Variants in RIMS1 observed in about 807,000 individuals in gnomAD.
RIMS1 encodes regulating synaptic membrane exocytosis 1, also known as regulating synaptic membrane exocytosis protein 1.
A neutral mutation model predicts 214.1 loss-of-function variants in RIMS1; 83 were observed. The ratio of observed to expected loss-of-function variants is 0.39; its 90% confidence interval spans 0.32 to 0.47. The LOEUF is 0.47. Ranked by LOEUF, RIMS1 falls within the 20% of genes least tolerant of loss-of-function variation. RIMS1 has a pLI of 0.99. For synonymous variants in RIMS1, 793 were observed against 786.8 expected, an observed-to-expected ratio of 1.01 and a Z score of -0.13; for missense variants, 2,050 against 2,161.8, an observed-to-expected ratio of 0.95 and a Z score of 1.03.
chr6:72,190,307 T>C (rs968500714), intron 6 of RIMS1, among the ~76,000 whole-genome samples: 1 of 151,684 alleles, frequency 6.6e-6, no homozygotes, highest in Non-Finnish European at 1.5e-5. Flanking sequence ...CTACTAAAAA[T>C]ACAAAATTAG....
chr6:72,052,775 G>A (rs1825073504), intron 2 of RIMS1, among the ~76,000 whole-genome samples: 1 of 152,142 alleles, frequency 6.6e-6, no homozygotes, highest in South Asian at 2.1e-4. Context: ...TGTTGATTTA[G>A]TTGTTGCTTG....
chr6:72,229,279 G>A (rs1053084287), intron 6 of RIMS1, among the ~76,000 whole-genome samples: 7 of 151,534 alleles, frequency 4.6e-5, no homozygotes, highest in African/African-American at 1.5e-4. Context: ...AAGTATTTGA[G>A]GACCAGTATT....
chr6:72,306,509 T>C (rs922607038), intron 26 of RIMS1, among the ~76,000 whole-genome samples: 1 of 152,200 alleles, frequency 6.6e-6, no homozygotes, highest in African/African-American at 2.4e-5. Context: ...TTAGAACAAT[T>C]CATACTTTAT....
At chr6:72,269,306 T>C (rs559247509) in intron 22 of RIMS1, among the ~76,000 whole-genome samples, 1 of 152,198 alleles carries the variant, frequency 6.6e-6, no homozygotes, top group African/African-American at 2.4e-5. Flanking sequence ...TAAACCTCTG[T>C]TATGATGTCT....
At chr6:72,346,059 G>C (rs531170160) in intron 29 of RIMS1, among the ~76,000 whole-genome samples, 1 of 151,784 alleles carries the variant, frequency 6.6e-6, no homozygotes, top group South Asian at 2.1e-4. Context: ...AAAAGTTAAA[G>C]GTCCTTTTTG....
At chr6:72,175,680 A>AG (rs987671494) in intron 4 of RIMS1, among the ~76,000 whole-genome samples, 1 of 40,946 alleles carries the variant, frequency 2.4e-5, no homozygotes, top group Non-Finnish European at 4.0e-5. Context: ...TTCCCCCACC[A>AG]AAAAAAAAAA....
chr6:71,932,206 C>A (rs1783261905), intron 1 of RIMS1, among the ~76,000 whole-genome samples: 1 of 152,022 alleles, frequency 6.6e-6, no homozygotes, highest in Non-Finnish European at 1.5e-5. Flanking sequence ...TTCACAATAG[C>A]AAAGACATAT....
At position 72,215,188 on chromosome 6, in the gene RIMS1, G is replaced by C. The variant is rs118118063; in HGVS notation, c.1679-18585G>C. 4.4e-3 allele frequency among the ~76,000 whole-genome samples: 667 copies of C among 152,260 alleles called. 5 individuals are homozygous for C. Among genetic ancestry groups the C allele is most frequent in the Middle Eastern group, 6.8e-3 (2 of 294 alleles). On this transcript the variant is annotated intron_variant, in intron 6 of 33. Coordinates refer to ENST00000521978, the MANE Select transcript of RIMS1 (RefSeq NM_014989.7). ...TATCTCTAGACCATGCCATCTGTAT[G>C]TCTTCTTAATGACCATATCATAATG...
chr6:72,019,383 A>G (rs1468082839), intron 2 of RIMS1, among the ~76,000 whole-genome samples: 1 of 152,216 alleles, frequency 6.6e-6, no homozygotes, highest in East Asian at 1.9e-4. Flanking sequence ...GCCAGTGCTC[A>G]AGTGAGGATC....
chr6:72,356,199 C>T (rs1203090052), intron 29 of RIMS1, among the ~76,000 whole-genome samples: 5 of 151,828 alleles, frequency 3.3e-5, no homozygotes, highest in South Asian at 4.1e-4. Context: ...ATCTTTGGAA[C>T]GTATGAACTA....
chr6:72,265,254 A>G, intron 20 of RIMS1, 136 bp from the exon 21 acceptor site: 1 of 610,712 alleles, frequency 1.6e-6, no homozygotes, highest in Non-Finnish European at 2.7e-6. Flanking sequence ...ACTTAGTACT[A>G]GAATAATTCT....
At chr6:71,935,528 G>A (rs1784193290) in intron 1 of RIMS1, among the ~76,000 whole-genome samples, 1 of 152,184 alleles carries the variant, frequency 6.6e-6, no homozygotes, top group African/African-American at 2.4e-5. Context: ...AAGCAAATGT[G>A]GTTTGGTGTA....
intron 2 of RIMS1, among the ~76,000 whole-genome samples, chr6:72,014,587 T>C (rs1812065541): frequency 6.6e-6 from 1 of 152,230 alleles, no homozygotes; most frequent in Admixed American, 6.5e-5. Flanking sequence ...TATAGGTTTT[T>C]GTGTAGGCAT....
intron 29 of RIMS1, chr6:72,365,871 C>G (rs929748910): frequency 3.3e-5 from 5 of 152,186 alleles, no homozygotes; most frequent in African/African-American, 1.2e-4. Flanking sequence ...ATAAAAAGAG[C>G]TTAAAGAGCT....
intron 28 of RIMS1, among the ~76,000 whole-genome samples, chr6:72,325,474 TA>T (rs2096413078): frequency 6.6e-6 from 1 of 151,064 alleles, no homozygotes; most frequent in African/African-American, 2.4e-5. Flanking sequence ...TAATAACTAT[TA>T]GAATTAATGA....
At chr6:72,021,736 C>A (rs575334669) in intron 2 of RIMS1, among the ~76,000 whole-genome samples, 1 of 152,252 alleles carries the variant, frequency 6.6e-6, no homozygotes, top group South Asian at 2.1e-4. Flanking sequence ...TCAGGCTTCT[C>A]TCCTGTCCTG....
intron 4 of RIMS1, among the ~76,000 whole-genome samples, chr6:72,144,205 T>C (rs1257851748): frequency 6.6e-6 from 1 of 152,218 alleles, no homozygotes; most frequent in Non-Finnish European, 1.5e-5. Context: ...CAAAGTAGTG[T>C]ACTTTAAGGC....
intron 2 of RIMS1, among the ~76,000 whole-genome samples, chr6:71,992,810 C>T (rs1178323100): frequency 1.3e-5 from 2 of 152,102 alleles, no homozygotes; most frequent in South Asian, 4.1e-4. Context: ...CAGGTGCACA[C>T]CACCACACCT....
At chr6:72,111,437 G>A (rs888688674) in intron 4 of RIMS1, among the ~76,000 whole-genome samples, 1 of 152,088 alleles carries the variant, frequency 6.6e-6, no homozygotes, top group Non-Finnish European at 1.5e-5. Context: ...TGGAAGAAAT[G>A]TCTTCTCATA....
Sources: allele counts gnomAD v4.1 joint callset (sites outside exome capture counted in the v4.1 genomes callset), GRCh38; gene constraint gnomAD v4.1.1; transcripts MANE v1.5; gene names NCBI Gene and HGNC (gene_info 2026-07-23, HGNC 2026-07-21).